Variants in NWD2 observed in about 807,000 individuals in gnomAD.
NWD2 encodes NACHT and WD repeat domain-containing protein 2.
A neutral mutation model predicts 132.7 loss-of-function variants in NWD2; 37 were observed. The ratio of observed to expected loss-of-function variants is 0.28; its 90% CI spans 0.21 to 0.37. NWD2 has a LOEUF of 0.37. NWD2 is among the 10% of genes least tolerant of loss of function. The pLI is 1.00. For synonymous variants in NWD2, 705 were observed against 803.0 expected (o/e 0.88, Z 2.06); for missense variants, 1,592 against 2,122.4 (o/e 0.75, Z 4.91).
At chr4:37,266,313 T>C (rs1717751005) in intron 1 of NWD2, among the ~76,000 whole-genome samples, 1 of 152,104 alleles carries the variant, frequency 6.6e-6, no homozygotes, top group African/African-American at 2.4e-5. Context: ...GATCTGGCCT[T>C]TGAAACAGCT....
intron 1 of NWD2, among the ~76,000 whole-genome samples, chr4:37,272,718 C>A (rs1034315237): frequency 6.6e-6 from 1 of 151,526 alleles, no homozygotes; most frequent in African/African-American, 2.4e-5. Flanking sequence ...TTAAAACAAC[C>A]ATTTTTTATT....
intron 1 of NWD2, among the ~76,000 whole-genome samples, chr4:37,324,895 G>A (rs1353878341): frequency 6.6e-6 from 1 of 152,140 alleles, no homozygotes; most frequent in Non-Finnish European, 1.5e-5. Flanking sequence ...GGACAGATGT[G>A]TTTGAGAATA....
intron 1 of NWD2, among the ~76,000 whole-genome samples, chr4:37,296,443 G>GTGCCCAT (rs1718489932): frequency 6.6e-6 from 1 of 152,158 alleles, no homozygotes; most frequent in South Asian, 2.1e-4. Flanking sequence ...ACCAATCCAA[G>GTGCCCAT]TGCCCATCAG....
intron 3 of NWD2, among the ~76,000 whole-genome samples, chr4:37,382,954 A>G (rs1034674690): frequency 6.6e-6 from 1 of 152,000 alleles, no homozygotes; most frequent in Non-Finnish European, 1.5e-5. Flanking sequence ...TTGACCTCCC[A>G]AAGTGGTGGG....
chr4:37,427,961 A>G (rs1712054211), intron 3 of NWD2, among the ~76,000 whole-genome samples: 1 of 152,258 alleles, frequency 6.6e-6, no homozygotes, highest in Non-Finnish European at 1.5e-5. Context: ...ATTTGACTAC[A>G]GAAAGAAGCT....
rs1022916044 is a variant in NWD2 at position 37,449,394 on chromosome 4, T to C, written c.*2177T>C. The C allele has an allele frequency of 3.3e-5, 5 of 152,234 alleles. No homozygotes were observed. The highest frequency in any genetic ancestry group is 9.7e-5 in the African/African-American group (4 of 41,446). 9.4% of individuals were successfully genotyped at this position (152,234 alleles called of 1,614,324 possible). A position where few individuals can be genotyped will look rare whatever the true frequency, so the allele number is the denominator to read the frequency against. ...TTACAGAGTTGTTACACTAGAAAAT[T>C]ATTTCAGTCTTCAAACAATATACAG... On this transcript the variant is annotated 3_prime_UTR_variant, in exon 7 of 7. Transcript: ENST00000309447.
intron 3 of NWD2, among the ~76,000 whole-genome samples, chr4:37,372,737 G>T (rs1720254429): frequency 6.6e-6 from 1 of 152,166 alleles, no homozygotes; most frequent in Non-Finnish European, 1.5e-5. Context: ...CAGATCTACT[G>T]CCGCGTATCT....
At position 37,406,017 on chromosome 4, in the gene NWD2, G is replaced by A. The variant is rs182044491; in HGVS notation, c.358-24555G>A. On this transcript the variant is annotated intron_variant, in intron 3 of 6. Transcript: ENST00000309447. ...ATAAGTGGTTTCTAAACTGTTCAGG[G>A]TTTATCATAAGGGTTATGAAAAAAT... Among the ~76,000 whole-genome samples the A allele has an allele frequency of 3.3e-5, 5 of 151,984 alleles. No individual in the cohort carries two copies. The South Asian group carries it at 1.0e-3, about 32-fold the overall frequency.
chr4:37,265,508 A>G (rs1199572167), intron 1 of NWD2, among the ~76,000 whole-genome samples: 2 of 152,108 alleles, frequency 1.3e-5, no homozygotes, highest in South Asian at 2.1e-4. Context: ...ACAAGTCTGC[A>G]TTCTCTCTGG....
Position 37,244,912 on chromosome 4 carries a change from A to G in NWD2, c.-156A>G. On this transcript the variant is annotated 5_prime_UTR_variant, in exon 1 of 7. Coordinates refer to ENST00000309447, the MANE Select transcript of NWD2 (RefSeq NM_001144990.2). The surrounding 1 kb of genome is among the most constrained non-coding windows in gnomAD (Gnocchi z 5.5). Reference sequence around the variant, plus strand: ...TCCTCGCCGGCGGGTGCTGTGCGCCACGGAGCTCGCCAAAGGCGCTTCGGG... The same window carrying G: ...TCCTCGCCGGCGGGTGCTGTGCGCCGCGGAGCTCGCCAAAGGCGCTTCGGG... The G allele has an allele frequency of 2.1e-6, 2 of 930,298 alleles. No individual in the cohort carries two copies. The highest frequency in any genetic ancestry group is 3.1e-6 in the Non-Finnish European group (2 of 648,236). 57.6% of individuals were successfully genotyped at this position (930,298 alleles called of 1,614,324 possible).
intron 5 of NWD2, 55 bp from the exon 6 acceptor site, chr4:37,438,746 G>T (rs1258125112): frequency 1.7e-6 from 2 of 1,171,808 alleles, no homozygotes; most frequent in Middle Eastern, 2.4e-4. Context: ...TTGAGAATGT[G>T]GGTGTGTTGC....
intron 1 of NWD2, among the ~76,000 whole-genome samples, chr4:37,302,745 A>G (rs1315179248): frequency 2.0e-5 from 3 of 151,808 alleles, no homozygotes; most frequent in African/African-American, 7.3e-5. Flanking sequence ...ATACCTGTTG[A>G]CCATTTATAT....
At chr4:37,345,235 C>T (rs115141576) in intron 2 of NWD2, among the ~76,000 whole-genome samples, 2,048 of 152,120 alleles carry the variant, frequency 0.013, 12 homozygotes, top group Middle Eastern at 0.027. Context: ...GAGTATATAC[C>T]TAGTAGTAGA....
In NWD2 at chr4:37,247,801, G is replaced by A. The variant is rs114281681; in HGVS notation, c.151+2583G>A. 4.1e-3 allele frequency among the ~76,000 whole-genome samples: 620 copies of A among 152,060 alleles called. 6 individuals are homozygous for A. The highest frequency in any genetic ancestry group is 0.014 in the African/African-American group (596 of 41,472). On this transcript the variant is annotated intron_variant, in intron 1 of 6. Coordinates refer to ENST00000309447, the MANE Select transcript of NWD2 (RefSeq NM_001144990.2). The stretch of plus-strand genomic sequence containing the variant: ...ACTTTTGTACTTTTAGTAGCAACGG[G>A]GTTTCGTCATGTTAGCCAGGCTGGT...
chr4:37,348,149 G>A (rs1393595927), intron 2 of NWD2, among the ~76,000 whole-genome samples: 1 of 152,156 alleles, frequency 6.6e-6, no homozygotes, highest in African/African-American at 2.4e-5. Context: ...CTAAGAAGCT[G>A]TGTGATGCTC....
chr4:37,323,464 G>A (rs1182072057), intron 1 of NWD2, among the ~76,000 whole-genome samples: 1 of 152,062 alleles, frequency 6.6e-6, no homozygotes, highest in African/African-American at 2.4e-5. Flanking sequence ...AATCATCAGA[G>A]AAAAGCAAAC....
chr4:37,395,773 T>C (rs1274242725), intron 3 of NWD2, among the ~76,000 whole-genome samples: 1 of 150,826 alleles, frequency 6.6e-6, no homozygotes, highest in African/African-American at 2.4e-5. Flanking sequence ...GAAGGGGAAA[T>C]AGAAGACAAG....
chr4:37,246,261 C>G (rs936398227), intron 1 of NWD2, among the ~76,000 whole-genome samples: 3 of 152,186 alleles, frequency 2.0e-5, no homozygotes, highest in Non-Finnish European at 4.4e-5. Flanking sequence ...TTTGAAAACC[C>G]AAGGTTCTGG....
At chr4:37,383,869 T>A (rs1016489800) in intron 3 of NWD2, among the ~76,000 whole-genome samples, 3 of 152,214 alleles carry the variant, frequency 2.0e-5, no homozygotes, top group African/African-American at 7.2e-5. Flanking sequence ...CCTCTGTCTT[T>A]GGTTTTCACT....
Sources: allele counts gnomAD v4.1 joint callset (sites outside exome capture counted in the v4.1 genomes callset), GRCh38; gene constraint gnomAD v4.1.1; non-coding constraint Gnocchi (gnomAD v3.1); transcripts MANE v1.5; gene names NCBI Gene and HGNC (gene_info 2026-07-23, HGNC 2026-07-21).